ARHGAP6: variants seen among roughly 807,000 people sequenced by gnomAD.
ARHGAP6 encodes the protein Rho GTPase activating protein 6.
A neutral mutation model predicts 55.7 loss-of-function variants in ARHGAP6; 16 were observed. That is an observed-to-expected ratio of 0.29 (90% CI 0.19 to 0.44). The LOEUF is 0.44. ARHGAP6 is among the 20% of genes least tolerant of loss of function. The pLI is 1.00. For synonymous variants in ARHGAP6, 382 were observed against 360.9 expected, an observed-to-expected ratio of 1.06 and a Z score of -0.66; for missense variants, 698 against 808.9, an observed-to-expected ratio of 0.86 and a Z score of 1.66.
chrX:11,336,664 G>A (rs1289137564), intron 1 of ARHGAP6, among the ~76,000 whole-genome samples: 3 of 111,909 alleles, frequency 2.7e-5, no homozygotes, highest in Non-Finnish European at 1.9e-5. Context: ...GTTGAGCTGC[G>A]TGAAATGGTT....
rs2052113253 is a variant in ARHGAP6 at position 11,612,428 on chromosome X, G to A, written c.588+51813C>T. On this transcript the variant is annotated intron_variant, in intron 1 of 12. Coordinates refer to ENST00000337414, the MANE Select transcript of ARHGAP6 (RefSeq NM_013427.3). ...CCTGGGATGGGAGATACTATAAACG[G>A]AATGTTTGTGTACCCCTCAAATTCA... 2.7e-5 allele frequency among the ~76,000 whole-genome samples: 3 copies of A among 111,726 alleles called. No homozygotes were observed. In the South Asian group the frequency reaches 1.1e-3, roughly 43 times the overall value.
chrX:11,502,748 T>C (rs1394032360), intron 1 of ARHGAP6, among the ~76,000 whole-genome samples: 1 of 112,015 alleles, frequency 8.9e-6, no homozygotes, highest in Non-Finnish European at 1.9e-5. Context: ...TAGCTTACTT[T>C]ATTGGAAGAA....
chrX:11,616,578 T>A (rs986682437), intron 1 of ARHGAP6, among the ~76,000 whole-genome samples: 1 of 111,654 alleles, frequency 9.0e-6, no homozygotes, highest in East Asian at 2.8e-4. Flanking sequence ...TCTGCCTACC[T>A]CAGCCTCGCA....
chrX:11,560,967 A>G (rs1276292807), intron 1 of ARHGAP6, among the ~76,000 whole-genome samples: 1 of 112,165 alleles, frequency 8.9e-6, no homozygotes, highest in Non-Finnish European at 1.9e-5. Context: ...AAAACTGAAC[A>G]TCTAGGGCAG....
At chrX:11,518,848 T>C (rs1470915487) in intron 1 of ARHGAP6, among the ~76,000 whole-genome samples, 2 of 78,979 alleles carry the variant, frequency 2.5e-5, no homozygotes, top group African/African-American at 5.0e-5. Flanking sequence ...TGTGATCTCA[T>C]TGTTCAATTC....
chrX:11,270,724 G>C (rs1228269004), intron 1 of ARHGAP6, among the ~76,000 whole-genome samples: 1 of 111,637 alleles, frequency 9.0e-6, no homozygotes, highest in Non-Finnish European at 1.9e-5. Flanking sequence ...CTCTACCTGT[G>C]GAATGAACTG....
At chrX:11,521,631 A>G (rs111923390) in intron 1 of ARHGAP6, among the ~76,000 whole-genome samples, 11,470 of 109,393 alleles carry the variant, frequency 0.1, 814 homozygotes, top group African/African-American at 0.23. Context: ...GGATTGACTT[A>G]GCGATGTGGG....
rs764334311 is a variant in ARHGAP6, at chrX:11,548,454, T to G, written c.588+115787A>C. On this transcript the variant is annotated intron_variant, in intron 1 of 12. Transcript: ENST00000337414. ...CCTCTAATACCCACAATTCTACTCT[T>G]TACTTCCTTTGGCTCAAAATTTTTT... 1.3e-4 allele frequency among the ~76,000 whole-genome samples: 15 copies of G among 111,195 alleles called. No individual in the cohort carries two copies. The South Asian group carries it at 5.4e-3, about 40-fold the overall frequency.
intron 2 of ARHGAP6, among the ~76,000 whole-genome samples, chrX:11,243,987 G>A (rs1292013655): frequency 9.0e-6 from 1 of 111,668 alleles, no homozygotes; most frequent in Non-Finnish European, 1.9e-5. Flanking sequence ...ATCATCTAAT[G>A]ATGCATTTCT....
intron 1 of ARHGAP6, among the ~76,000 whole-genome samples, chrX:11,573,015 T>C (rs78071305): frequency 0.24 from 27,031 of 110,909 alleles, 2,601 homozygotes; most frequent in Middle Eastern, 0.32. Context: ...TCATGTCCTT[T>C]GCCCACTTTT....
In ARHGAP6 at chrX:11,260,367, C is replaced by T. The variant is rs182755305; in HGVS notation, c.589-5660G>A. Among the ~76,000 whole-genome samples the T allele has an allele frequency of 1.7e-4, 19 of 111,170 alleles. 1 individual carries two copies. Among genetic ancestry groups the T allele is most frequent in the Non-Finnish European group, 2.3e-4 (12 of 52,976 alleles). ...AAGTTGGTGGGGTGAAGGGCATGCT[C>T]GCAGACACTTAAAAAAGTAGGTTTT... is the stretch of plus-strand genomic sequence containing the variant. On this transcript the variant is annotated intron_variant, in intron 1 of 12. Coordinates refer to ENST00000337414, the MANE Select transcript of ARHGAP6 (RefSeq NM_013427.3).
chrX:11,587,773 G>C (rs975109743), intron 1 of ARHGAP6, among the ~76,000 whole-genome samples: 4 of 112,055 alleles, frequency 3.6e-5, no homozygotes, highest in Non-Finnish European at 1.9e-5. Context: ...CCTTTCAGCA[G>C]AAATGGATTT....
intron 1 of ARHGAP6, among the ~76,000 whole-genome samples, chrX:11,633,642 C>T (rs2052384910): frequency 8.9e-6 from 1 of 112,195 alleles, no homozygotes; most frequent in Non-Finnish European, 1.9e-5. Context: ...AAGTGGAAGG[C>T]GTCTGGACAG....
At chrX:11,475,910 T>TG (rs1158142525) in intron 1 of ARHGAP6, among the ~76,000 whole-genome samples, 1 of 109,665 alleles carries the variant, frequency 9.1e-6, no homozygotes, top group East Asian at 2.9e-4. Context: ...ACAATAGGAA[T>TG]GGGAAAAAAG....
intron 1 of ARHGAP6, among the ~76,000 whole-genome samples, chrX:11,455,012 C>T (rs977398817): frequency 3.6e-5 from 4 of 110,962 alleles, no homozygotes; most frequent in Non-Finnish European, 7.6e-5. Context: ...AACATGGAAA[C>T]CAACACTTAA....
intron 2 of ARHGAP6, among the ~76,000 whole-genome samples, chrX:11,222,809 T>C: frequency 8.9e-6 from 1 of 112,243 alleles, no homozygotes; most frequent in Non-Finnish European, 1.9e-5. Flanking sequence ...CATGGAAACA[T>C]GTCGTTTGAA....
chrX:11,393,497 TATG>T (rs765052464), intron 1 of ARHGAP6, among the ~76,000 whole-genome samples: 4 of 112,181 alleles, frequency 3.6e-5, no homozygotes, highest in Non-Finnish European at 7.5e-5. Flanking sequence ...CATCATATTA[TATG>T]ATGTGTTCTA....
chrX:11,432,031 C>T (rs369009483), intron 1 of ARHGAP6, among the ~76,000 whole-genome samples: 5 of 112,176 alleles, frequency 4.5e-5, no homozygotes, highest in Non-Finnish European at 9.4e-5. Context: ...ATTCCCCCTA[C>T]GCCAATTGTG....
intron 1 of ARHGAP6, among the ~76,000 whole-genome samples, chrX:11,568,123 C>G (rs2051467562): frequency 9.0e-6 from 1 of 111,193 alleles, no homozygotes; most frequent in South Asian, 3.8e-4. Context: ...ACACTGAGAG[C>G]ATTACAAAAT....
Sources: allele counts gnomAD v4.1 joint callset (sites outside exome capture counted in the v4.1 genomes callset), GRCh38; gene constraint gnomAD v4.1.1; transcripts MANE v1.5; gene names NCBI Gene and HGNC (gene_info 2026-07-23, HGNC 2026-07-21).